The following APOO variants were observed in gnomAD, a reference collection of about 807,000 sequenced individuals.
APOO encodes the protein apolipoprotein O, also known as MICOS complex subunit MIC26.
In APOO, 11 loss-of-function variants were observed where a neutral mutation model predicts 23.1. That is an observed-to-expected ratio of 0.48 (90% CI 0.30 to 0.79). The LOEUF is 0.79. Among genes scored for constraint, APOO ranks in the 30% least tolerant of loss-of-function variants. The probability of loss-of-function intolerance (pLI) is 0.07; values close to 1 mark genes in which losing one functional copy is unlikely to be tolerated. For missense variants in APOO, 160 were observed against 142.7 expected (o/e 1.12, Z -0.62); for synonymous variants, 59 against 54.8 (o/e 1.08, Z -0.34).
chrX:23,847,309 T>C (rs73485506), intron 7 of APOO, among the ~76,000 whole-genome samples: 2,386 of 111,543 alleles, frequency 0.021, 53 homozygotes, highest in African/African-American at 0.068. Flanking sequence ...CCGTAATGAT[T>C]TTTAATTTAT....
At chrX:23,891,516 C>G (rs1353091525) in intron 1 of APOO, among the ~76,000 whole-genome samples, 1 of 111,863 alleles carries the variant, frequency 8.9e-6, no homozygotes, top group East Asian at 2.8e-4. Flanking sequence ...CGTGAGCCAC[C>G]ACACCTGGCC....
chrX:23,860,942 C>G lies in APOO; in HGVS notation c.389-2209G>C, dbSNP rs1008848377. ...ACTGATTGAGCCCAGGAGTTTGAGA[C>G]CAGCCTGGGCAACTTAGGGAGACCA... On this transcript the variant is annotated intron_variant, in intron 5 of 8. Coordinates refer to ENST00000379226, the MANE Select transcript of APOO (RefSeq NM_024122.5). 2.7e-5 allele frequency among the ~76,000 whole-genome samples: 3 copies of G among 109,889 alleles called. No individual in the cohort carries two copies. The East Asian group carries it at 8.7e-4, about 32-fold the overall frequency.
intron 1 of APOO, among the ~76,000 whole-genome samples, chrX:23,883,070 C>T (rs963935656): frequency 4.5e-5 from 5 of 111,018 alleles, no homozygotes; most frequent in African/African-American, 1.6e-4. Flanking sequence ...CAGAGCGAGA[C>T]CCTGTCTCAA....
intron 1 of APOO, among the ~76,000 whole-genome samples, chrX:23,891,202 G>A (rs907162284): frequency 9.0e-6 from 1 of 110,597 alleles, no homozygotes; most frequent in Non-Finnish European, 1.9e-5. Flanking sequence ...TCTCACTCCA[G>A]GGCAATTTCA....
intron 7 of APOO, among the ~76,000 whole-genome samples, chrX:23,853,261 A>G (rs1924628538): frequency 9.0e-6 from 1 of 111,044 alleles, no homozygotes; most frequent in Admixed American, 9.7e-5. Flanking sequence ...CCATCTCAAA[A>G]ATAAATAAAT....
At chrX:23,840,950 A>G (rs920600624) in intron 7 of APOO, 1 of 112,059 alleles carries the variant, frequency 8.9e-6, no homozygotes, top group African/African-American at 3.2e-5. Context: ...TGTAATCCAT[A>G]AGAAGCAGTG....
chrX:23,850,356 A>C (rs1281028281), intron 7 of APOO, among the ~76,000 whole-genome samples: 1 of 112,196 alleles, frequency 8.9e-6, no homozygotes, highest in African/African-American at 3.2e-5. Flanking sequence ...AAGCCATCAC[A>C]CTGGCAAAAA....
At position 23,858,620 on chromosome X, in the gene APOO, T is replaced by A. The variant is rs771958693; in HGVS notation, c.480+22A>T. On this transcript the variant is annotated intron_variant, in intron 6 of 8. Transcript: ENST00000379226. ...ACACAAACAAGAATGAGGGACATCA[T>A]GGATTACAGAGTTTCTCTTACCTGG... 6 of 1,181,206 alleles carry A rather than the reference T, an allele frequency of 5.1e-6. No individual in the cohort carries two copies. In the African/African-American group the frequency reaches 1.1e-4, roughly 21 times the overall value.
rs1427286911 is a variant in APOO, at chrX:23,833,629, A to G, written c.*30-17T>C. On this transcript the variant is annotated splice_polypyrimidine_tract_variant and intron_variant, in intron 8 of 8. Coordinates refer to ENST00000379226, the MANE Select transcript of APOO (RefSeq NM_024122.5). ...TACCTATAACTAAAAGAAAGAAAAG[A>G]AAAACATAAGTAACTGTGCCAGAAA... 8.9e-6 allele frequency: 1 copy of G among 112,921 alleles called. No individual in the cohort carries two copies. The highest frequency in any genetic ancestry group is 3.2e-5 in the African/African-American group (1 of 31,053). The allele number at this position is 112,921 out of a possible 1,213,427, so 9.3% of individuals were successfully genotyped here. A position where few individuals can be genotyped will look rare whatever the true frequency, so the allele number is the denominator to read the frequency against.
chrX:23,874,519 C>T (rs1312040847), intron 3 of APOO, 62 bp from the exon 4 acceptor site: 52 of 943,146 alleles, frequency 5.5e-5, no homozygotes, highest in Non-Finnish European at 7.9e-5. Context: ...AGAAAGTTAA[C>T]AGAATAAATA....
At position 23,878,963 on chromosome X, in the gene APOO, G is replaced by T; in HGVS notation, c.189C>A (p.Ser63Arg). ...VEEARSQLEE[S>R]ISQLRHYCEP... ...CGCAATAGTGTCGGAGCTGTGAGAT[G>T]CTTTCTTCAAGCTGGCTCCTTGCCT... The change falls in exon 3 of 9, where the codon AGC becomes AGA. Residue 63 changes from serine to arginine, a missense_variant. Coordinates refer to ENST00000379226, the MANE Select transcript of APOO (RefSeq NM_024122.5). 1 of 1,211,425 alleles carries T rather than the reference G, an allele frequency of 8.3e-7. No homozygotes were observed. Among genetic ancestry groups the T allele is most frequent in the Middle Eastern group, 2.3e-4 (1 of 4,354 alleles).
intron 5 of APOO, among the ~76,000 whole-genome samples, chrX:23,862,752 T>C (rs1925124441): frequency 1.0e-5 from 1 of 99,706 alleles, no homozygotes; most frequent in African/African-American, 3.7e-5. Context: ...ACAACCTGGG[T>C]GACAGAGTGA....
At chrX:23,860,515 TTC>T (rs1300356078) in intron 5 of APOO, among the ~76,000 whole-genome samples, 1 of 108,270 alleles carries the variant, frequency 9.2e-6, no homozygotes, top group Admixed American at 1.0e-4. Flanking sequence ...CCATCTCCAT[TTC>T]TTTTTTTTCT....
intron 1 of APOO, among the ~76,000 whole-genome samples, chrX:23,902,324 C>CA (rs1465259228): frequency 9.0e-6 from 1 of 111,099 alleles, no homozygotes; most frequent in East Asian, 2.8e-4. Flanking sequence ...TCCTGGACGC[C>CA]AACTAAAAAG....
chrX:23,894,547 C>A (rs1038173409), intron 1 of APOO, among the ~76,000 whole-genome samples: 2 of 111,925 alleles, frequency 1.8e-5, no homozygotes, highest in East Asian at 2.8e-4. Flanking sequence ...TGTAATCCAG[C>A]ACTTTGGAAA....
intron 5 of APOO, among the ~76,000 whole-genome samples, chrX:23,867,545 CT>C (rs1017629174): frequency 0.018 from 1,934 of 108,554 alleles, 13 homozygotes; most frequent in Non-Finnish European, 0.024. Context: ...AAATAAACCT[CT>C]TTTTTTTTTC....
At chrX:23,888,849 CAAAA>C (rs11338273) in intron 1 of APOO, among the ~76,000 whole-genome samples, 1 of 41,282 alleles carries the variant, frequency 2.4e-5, no homozygotes, top group African/African-American at 9.7e-5. Flanking sequence ...GATTTCATCT[CAAAA>C]AAAAAAAAAA....
Position 23,841,426 on chromosome X carries a change from G to A in APOO, c.562-1049C>T, listed in dbSNP as rs149662587. ...TCCCAGCACTTTGGGAGGCCGAGGC[G>A]GGAGGATCCATTGAGCCTGGGAATT... On this transcript the variant is annotated intron_variant, in intron 7 of 8. Coordinates refer to ENST00000379226, the MANE Select transcript of APOO (RefSeq NM_024122.5). 2.1e-3 allele frequency among the ~76,000 whole-genome samples: 219 copies of A among 105,668 alleles called. No individual in the cohort carries two copies. In the East Asian group the frequency reaches 0.051, roughly 24 times the overall value. The allele number at this position is 105,668 out of a possible 115,157, so 91.8% of individuals were successfully genotyped here. A position where few individuals can be genotyped will look rare whatever the true frequency, so the allele number is the denominator to read the frequency against.
intron 7 of APOO, among the ~76,000 whole-genome samples, chrX:23,843,012 AAC>A: frequency 9.0e-6 from 1 of 111,191 alleles, no homozygotes; most frequent in East Asian, 2.8e-4. Flanking sequence ...CCATCTCAAA[AAC>A]AAACAAAAAC....
Sources: allele counts gnomAD v4.1 joint callset (sites outside exome capture counted in the v4.1 genomes callset), GRCh38; gene constraint gnomAD v4.1.1; transcripts MANE v1.5; gene names NCBI Gene and HGNC (gene_info 2026-07-23, HGNC 2026-07-21).